Variants in TCERG1L observed in about 807,000 individuals in gnomAD.
The protein encoded by TCERG1L is transcription elongation regulator 1 like.
In TCERG1L, 37 loss-of-function variants were observed where a neutral mutation model predicts 56.3. The observed-to-expected ratio is 0.66, with a 90% confidence interval of 0.51 to 0.87. TCERG1L has a LOEUF of 0.87. Among genes scored for constraint, TCERG1L ranks in the 40% least tolerant of loss-of-function variants. The probability of loss-of-function intolerance (pLI) is 0.00; values close to 1 mark genes in which losing one functional copy is unlikely to be tolerated. For missense variants in TCERG1L, 799 were observed against 774.2 expected, an observed-to-expected ratio of 1.03 and a Z score of -0.38; for synonymous variants, 324 against 326.3, an observed-to-expected ratio of 0.99 and a Z score of 0.08.
At chr10:131,242,116 C>T (rs1020105) in intron 4 of TCERG1L, among the ~76,000 whole-genome samples, 48,863 of 152,022 alleles carry the variant, frequency 0.32, 8,385 homozygotes, top group East Asian at 0.54. Flanking sequence ...GAGGTTGTTT[C>T]TGGCTGTGCT....
intron 3 of TCERG1L, among the ~76,000 whole-genome samples, chr10:131,288,836 G>A (rs184923103): frequency 4.7e-4 from 72 of 152,158 alleles, no homozygotes; most frequent in African/African-American, 1.5e-3. Flanking sequence ...ACCAGGAGCC[G>A]GGGGAGGGCA....
chr10:131,127,837 C>G (rs1321559958), intron 8 of TCERG1L, among the ~76,000 whole-genome samples: 1 of 152,096 alleles, frequency 6.6e-6, no homozygotes, highest in African/African-American at 2.4e-5. Flanking sequence ...GTCACCGTCT[C>G]ATCTAAACAG....
chr10:131,138,586 G>T (rs1437481856), intron 7 of TCERG1L, among the ~76,000 whole-genome samples: 3 of 152,218 alleles, frequency 2.0e-5, no homozygotes, highest in Non-Finnish European at 2.9e-5. Flanking sequence ...ATATTTGATA[G>T]AAATCATCCC....
chr10:131,095,674 T>A (rs1845238345), intron 11 of TCERG1L: 1 of 152,232 alleles, frequency 6.6e-6, no homozygotes, highest in African/African-American at 2.4e-5. Flanking sequence ...AGTGTAAATT[T>A]TAAAATAATT....
chr10:131,207,983 C>T (rs1208588451), intron 4 of TCERG1L, among the ~76,000 whole-genome samples: 2 of 152,094 alleles, frequency 1.3e-5, no homozygotes, highest in Non-Finnish European at 2.9e-5. Flanking sequence ...CAAGGTTCCC[C>T]GAACTCCACT....
rs945687974 is a variant in TCERG1L at position 131,111,137 on chromosome 10, A to G, written c.1395+5662T>C. 2.8e-5 allele frequency among the ~76,000 whole-genome samples: 4 copies of G among 143,472 alleles called. 2 individuals are homozygous for G. The highest frequency in any genetic ancestry group is 6.3e-5 in the Non-Finnish European group (4 of 63,618). The allele number at this position is 143,472 out of a possible 152,430, so 94.1% of individuals were successfully genotyped here. On this transcript the variant is annotated intron_variant, in intron 9 of 11. Transcript: ENST00000368642. ...TGAGAGGGCCTCAGATCAGGGGCGC[A>G]GTCCACGGCCTCTCCAAGGAAAGCT...
chr10:131,303,889 T>C (rs1375005617), intron 3 of TCERG1L, among the ~76,000 whole-genome samples: 2 of 152,150 alleles, frequency 1.3e-5, no homozygotes, highest in Non-Finnish European at 2.9e-5. Context: ...TCTATTAAGA[T>C]AGGCAAAAGT....
At chr10:131,140,046 G>A (rs773473906) in intron 7 of TCERG1L, among the ~76,000 whole-genome samples, 11 of 152,170 alleles carry the variant, frequency 7.2e-5, no homozygotes, top group Non-Finnish European at 1.5e-4. Context: ...ACAACCTTTG[G>A]TAAAACTTAC....
chr10:131,170,705 G>T (rs936842231), intron 4 of TCERG1L, among the ~76,000 whole-genome samples: 4 of 152,182 alleles, frequency 2.6e-5, no homozygotes, highest in African/African-American at 9.7e-5. Context: ...CCTTGCTGGT[G>T]GGGAAGAAGT....
intron 3 of TCERG1L, among the ~76,000 whole-genome samples, chr10:131,265,860 G>A (rs1414534997): frequency 1.3e-5 from 2 of 152,232 alleles, no homozygotes; most frequent in Non-Finnish European, 2.9e-5. Flanking sequence ...GCTGAAGGCT[G>A]GGGTGGCTGT....
chr10:131,179,875 T>C (rs901657444), intron 4 of TCERG1L, among the ~76,000 whole-genome samples: 1 of 152,158 alleles, frequency 6.6e-6, no homozygotes, highest in Non-Finnish European at 1.5e-5. Flanking sequence ...TGGAGAGAAG[T>C]GGCCACCAGC....
chr10:131,163,478 A>G (rs1367793939), intron 5 of TCERG1L, among the ~76,000 whole-genome samples: 2 of 152,130 alleles, frequency 1.3e-5, no homozygotes, highest in Non-Finnish European at 2.9e-5. Flanking sequence ...AGAAGCAGAG[A>G]CGGTCAGAGG....
intron 3 of TCERG1L, among the ~76,000 whole-genome samples, chr10:131,266,725 C>T (rs937894172): frequency 2.9e-4 from 44 of 152,160 alleles, no homozygotes; most frequent in African/African-American, 1.0e-3. Flanking sequence ...GCTTCTGCTG[C>T]AGCTGGTCAA....
rs1846298268 is a variant in TCERG1L at position 131,267,377 on chromosome 10, A to G, written c.671-6933T>C. Among the ~76,000 whole-genome samples, 1 of 152,136 alleles carries G rather than the reference A, an allele frequency of 6.6e-6. No homozygotes were observed. ...CCAGGCAGCAGGAGCAGATACCCCC[A>G]AGCCTAAGCCCTGAGAGCATCGGGA... is the stretch of plus-strand genomic sequence containing the variant. On this transcript the variant is annotated intron_variant, in intron 3 of 11. Coordinates refer to ENST00000368642, the MANE Select transcript of TCERG1L (RefSeq NM_174937.4). The surrounding 1 kb of genome is among the most constrained non-coding windows in gnomAD (Gnocchi z 4.9).
chr10:131,288,288 G>A (rs950723009), intron 3 of TCERG1L, among the ~76,000 whole-genome samples: 4 of 152,288 alleles, frequency 2.6e-5, no homozygotes, highest in South Asian at 2.1e-4. Context: ...GAAACCAGTC[G>A]GAACCGGGCA....
intron 9 of TCERG1L, among the ~76,000 whole-genome samples, chr10:131,107,956 TACACACACACACACAC>T (rs59364659): frequency 8.9e-4 from 131 of 146,860 alleles, no homozygotes; most frequent in African/African-American, 3.2e-3. Context: ...CATGTGTGCC[TACACACACACACACAC>T]ACACACACAC....
intron 4 of TCERG1L, among the ~76,000 whole-genome samples, chr10:131,208,743 T>A (rs970164031): frequency 6.6e-6 from 1 of 152,218 alleles, no homozygotes; most frequent in Non-Finnish European, 1.5e-5. Context: ...TCACCTCATG[T>A]GGCTCATCTC....
At chr10:131,212,174 T>A (rs981853135) in intron 4 of TCERG1L, among the ~76,000 whole-genome samples, 2 of 152,208 alleles carry the variant, frequency 1.3e-5, no homozygotes, top group Non-Finnish European at 2.9e-5. Context: ...TGCCTCTTCA[T>A]TCACACGCTG....
intron 3 of TCERG1L, among the ~76,000 whole-genome samples, chr10:131,304,839 T>A (rs1489916175): frequency 1.3e-5 from 2 of 151,978 alleles, no homozygotes; most frequent in Admixed American, 6.5e-5. Context: ...GGAAGAATGA[T>A]GTAAAGTCCC....
Sources: allele counts gnomAD v4.1 joint callset (sites outside exome capture counted in the v4.1 genomes callset), GRCh38; gene constraint gnomAD v4.1.1; non-coding constraint Gnocchi (gnomAD v3.1); transcripts MANE v1.5; gene names NCBI Gene and HGNC (gene_info 2026-07-23, HGNC 2026-07-21).